The following PTPRD variants were observed in gnomAD, a reference collection of about 807,000 sequenced individuals.
PTPRD encodes receptor-type tyrosine-protein phosphatase delta.
In PTPRD, 34 loss-of-function variants were observed where a neutral mutation model predicts 214.5. That is an observed-to-expected ratio of 0.16 (90% CI 0.12 to 0.21). The LOEUF (loss-of-function observed/expected upper bound fraction) is 0.21. Among genes scored for constraint, PTPRD ranks in the 10% least tolerant of loss-of-function variants. The pLI is 1.00. For missense variants in PTPRD, 2,545 were observed against 2,398.7 expected, an observed-to-expected ratio of 1.06 and a Z score of -1.27; for synonymous variants, 1,128 against 845.7, an observed-to-expected ratio of 1.33 and a Z score of -5.79.
chr9:8,700,549 G>C (rs921245408), intron 12 of PTPRD: 5 of 152,088 alleles, frequency 3.3e-5, no homozygotes, highest in Non-Finnish European at 2.9e-5. Context: ...AAAATAATAC[G>C]TTGTATTACA....
At position 9,086,415 on chromosome 9, in the gene PTPRD, C is replaced by G. The variant is rs73641212; in HGVS notation, c.-142-67680G>C. On this transcript the variant is annotated intron_variant, in intron 10 of 45. Transcript: ENST00000381196. ...GGAAATGAAGAGAAAAGCTGTCCCT[C>G]TTAAGAAGGCTAGGAGCCTAAAGAC... Among the ~76,000 whole-genome samples, 276 of 152,266 alleles carry G rather than the reference C, an allele frequency of 1.8e-3. 2 individuals are homozygous for G. Among genetic ancestry groups the G allele is most frequent in the African/African-American group, 6.1e-3 (255 of 41,556 alleles).
chr9:10,386,587 G>T (rs2097917568), intron 2 of PTPRD, among the ~76,000 whole-genome samples: 1 of 151,772 alleles, frequency 6.6e-6, no homozygotes. Flanking sequence ...GAATTTAGGA[G>T]GTTGTAGACC....
intron 3 of PTPRD, among the ~76,000 whole-genome samples, chr9:10,211,295 A>C (rs1048802869): frequency 2.0e-5 from 3 of 152,180 alleles, no homozygotes; most frequent in Non-Finnish European, 4.4e-5. Flanking sequence ...AAAACAAGGA[A>C]AAATAATGCA....
chr9:9,262,223 T>C (rs184298553), intron 9 of PTPRD, among the ~76,000 whole-genome samples: 2 of 151,396 alleles, frequency 1.3e-5, no homozygotes, highest in East Asian at 2.0e-4. Flanking sequence ...CTAGTAAAAA[T>C]ATGAGTCACA....
intron 3 of PTPRD, among the ~76,000 whole-genome samples, chr9:10,308,168 G>A (rs766763988): frequency 1.3e-5 from 2 of 151,790 alleles, no homozygotes; most frequent in African/African-American, 2.4e-5. Context: ...TGTTTTTCCT[G>A]TTTTCTTATA....
At chr9:9,420,104 A>T (rs1211276016) in intron 8 of PTPRD, among the ~76,000 whole-genome samples, 1 of 36,722 alleles carries the variant, frequency 2.7e-5, no homozygotes. Context: ...TGACTACCAG[A>T]CACTATAATA....
intron 3 of PTPRD, among the ~76,000 whole-genome samples, chr9:10,103,665 C>G (rs2154217133): frequency 6.6e-6 from 1 of 151,392 alleles, no homozygotes; most frequent in East Asian, 2.0e-4. Context: ...TGATCCCTCC[C>G]CACCACTGAG....
At chr9:9,396,644 C>G (rs1244804241) in intron 9 of PTPRD, among the ~76,000 whole-genome samples, 1 of 151,738 alleles carries the variant, frequency 6.6e-6, no homozygotes, top group Non-Finnish European at 1.5e-5. Flanking sequence ...ACCAAGCAGT[C>G]TAGTCTGAGG....
chr9:9,455,606 G>T (rs181462040), intron 8 of PTPRD, among the ~76,000 whole-genome samples: 4 of 151,674 alleles, frequency 2.6e-5, no homozygotes, highest in Admixed American at 6.6e-5. Context: ...ATTAGCTGGT[G>T]AATCATTTAA....
intron 3 of PTPRD, among the ~76,000 whole-genome samples, chr9:10,087,503 A>T (rs1007504722): frequency 6.6e-6 from 1 of 151,736 alleles, no homozygotes; most frequent in Non-Finnish European, 1.5e-5. Context: ...CTACAACTAC[A>T]GCCTCCTATC....
Position 9,467,588 on chromosome 9 carries a change from CAA to C in PTPRD, c.-236-70108_-236-70107del, listed in dbSNP as rs1176159031. Among the ~76,000 whole-genome samples, 44 of 55,946 alleles carry C rather than the reference CAA, an allele frequency of 7.9e-4. 2 individuals are homozygous for C. Among genetic ancestry groups the C allele is most frequent in the East Asian group, 4.6e-3 (6 of 1,314 alleles). 36.7% of individuals were successfully genotyped at this position (55,946 alleles called of 152,430 possible). On this transcript the variant is annotated intron_variant, in intron 8 of 45. Coordinates refer to ENST00000381196, the MANE Select transcript of PTPRD (RefSeq NM_002839.4). ...GGCGACAGAGCGGGACTCCATCTCC[CAA>C]AAAAAAAAAAAAAAAAAAAAGTTGA...
intron 9 of PTPRD, among the ~76,000 whole-genome samples, chr9:9,263,855 G>A (rs1421248359): frequency 6.6e-6 from 1 of 151,570 alleles, no homozygotes; most frequent in Non-Finnish European, 1.5e-5. Context: ...TAGTTACTAT[G>A]CTCAGTGTCT....
chr9:8,975,218 G>A (rs1192619338), intron 11 of PTPRD, among the ~76,000 whole-genome samples: 2 of 151,716 alleles, frequency 1.3e-5, no homozygotes, highest in East Asian at 3.9e-4. Flanking sequence ...CTTTACCCAT[G>A]TAAACAATTT....
chr9:9,727,702 C>T (rs932131143), intron 7 of PTPRD, among the ~76,000 whole-genome samples: 1 of 152,094 alleles, frequency 6.6e-6, no homozygotes, highest in African/African-American at 2.4e-5. Context: ...TGTTTAAACA[C>T]TGGTAGTCCT....
chr9:9,636,483 T>C (rs576681780), intron 7 of PTPRD, among the ~76,000 whole-genome samples: 2 of 151,948 alleles, frequency 1.3e-5, no homozygotes, highest in South Asian at 4.1e-4. Context: ...TATATAGATA[T>C]TGATATAGAT....
intron 12 of PTPRD, among the ~76,000 whole-genome samples, chr9:8,706,027 C>A (rs1597490978): frequency 6.6e-6 from 1 of 152,170 alleles, no homozygotes; most frequent in East Asian, 1.9e-4. Flanking sequence ...CTACTGCTAT[C>A]TTGTCGACCA....
intron 3 of PTPRD, among the ~76,000 whole-genome samples, chr9:10,086,538 C>G (rs1247104911): frequency 1.3e-5 from 2 of 151,780 alleles, no homozygotes; most frequent in African/African-American, 4.8e-5. Flanking sequence ...CCCTTTCTAG[C>G]TGTTATAAAC....
At position 9,314,070 on chromosome 9, in the gene PTPRD, C is replaced by T. The variant is rs116003268; in HGVS notation, c.-203+83379G>A. The stretch of plus-strand genomic sequence containing the variant: ...ATTGTTTATTTCTCAACATTTCCTG[C>T]CTATTGTCAGTACTAGCATAATTTT... On this transcript the variant is annotated intron_variant, in intron 9 of 45. Coordinates refer to ENST00000381196, the MANE Select transcript of PTPRD (RefSeq NM_002839.4). Among the ~76,000 whole-genome samples, 889 of 152,164 alleles carry T rather than the reference C, an allele frequency of 5.8e-3. 8 individuals are homozygous for T. The highest frequency in any genetic ancestry group is 0.02 in the African/African-American group (851 of 41,530).
intron 8 of PTPRD, among the ~76,000 whole-genome samples, chr9:9,460,465 A>T (rs192094376): frequency 6.7e-4 from 102 of 152,162 alleles, no homozygotes; most frequent in African/African-American, 2.2e-3. Flanking sequence ...GAATCTACAA[A>T]TAATCTAAAC....
Sources: gnomAD v4.1 joint callset for allele counts (sites outside exome capture counted in the v4.1 genomes callset) on GRCh38, gnomAD v4.1.1 for gene constraint, MANE v1.5 for transcripts, NCBI Gene and HGNC (gene_info 2026-07-23, HGNC 2026-07-21) for gene names.